Variants in LIMS1 observed in about 807,000 individuals in gnomAD.
LIMS1 encodes the protein LIM zinc finger domain containing 1.
LIMS1 carries 18 observed loss-of-function variants against 44.1 expected under a neutral mutation model. The observed-to-expected ratio is 0.41, with a 90% CI of 0.28 to 0.61. The LOEUF is 0.61. Among genes scored for constraint, LIMS1 ranks in the 20% least tolerant of loss-of-function variants. The pLI is 0.32. For synonymous variants in LIMS1, 93 were observed against 149.1 expected (o/e 0.62, Z 2.74); for missense variants, 201 against 422.0 (o/e 0.48, Z 4.59).
At chr2:108,582,451 A>G (rs1408997238) in intron 1 of LIMS1, among the ~76,000 whole-genome samples, 2 of 152,222 alleles carry the variant, frequency 1.3e-5, no homozygotes, top group African/African-American at 4.8e-5. Context: ...GGTTGACATC[A>G]TCAGGTTTAG....
chr2:108,685,521 C>T (rs1693253939), exon 10 of LIMS1: 1 of 152,028 alleles, frequency 6.6e-6, no homozygotes, highest in Admixed American at 6.5e-5. Flanking sequence ...TATTTGTATG[C>T]CTGCATTTTT....
At chr2:108,583,188 A>G (rs893035736) in intron 1 of LIMS1, among the ~76,000 whole-genome samples, 30 of 145,546 alleles carry the variant, frequency 2.1e-4, no homozygotes, top group Non-Finnish European at 3.0e-5. Flanking sequence ...GCGCACCACC[A>G]CGCCTGGCTA....
rs138300676 is a variant in LIMS1, at chr2:108,608,142, C to T, written c.33-51463C>T. Among the ~76,000 whole-genome samples, 682 of 152,270 alleles carry T rather than the reference C, an allele frequency of 4.5e-3. 5 individuals carry two copies. The highest frequency in any genetic ancestry group is 0.014 in the South Asian group (68 of 4,818). ...CATTCCCTCCTCCTGTTTTCCTCCA[C>T]GAAGAAGCCCTTTCCTTAATGGAGT... On this transcript the variant is annotated intron_variant, in intron 1 of 9. Coordinates refer to ENST00000544547, the Ensembl canonical transcript of LIMS1.
At chr2:108,637,312 G>T (rs139214033) in intron 1 of LIMS1, among the ~76,000 whole-genome samples, 132 of 152,220 alleles carry the variant, frequency 8.7e-4, no homozygotes, top group African/African-American at 3.0e-3. Context: ...CAAGTGAAAT[G>T]TTTTTTATTC....
chr2:108,541,014 T>G (rs962393733), intron 1 of LIMS1, among the ~76,000 whole-genome samples: 1 of 152,248 alleles, frequency 6.6e-6, no homozygotes, highest in Non-Finnish European at 1.5e-5. Flanking sequence ...GAATGAATTA[T>G]GGATATTGGC....
rs201274342 is a variant in LIMS1 at position 108,561,736 on chromosome 2, G to GT, written c.32+27151dup. Among the ~76,000 whole-genome samples, 1,076 of 111,672 alleles carry GT rather than the reference G, an allele frequency of 9.6e-3. 16 individuals carry two copies. Among genetic ancestry groups the GT allele is most frequent in the East Asian group, 0.065 (59 of 906 alleles). 73.3% of individuals were successfully genotyped at this position (111,672 alleles called of 152,430 possible). ...GTTGTGGTTCTCTGTGATCAGCAGTGTTTTTTTTTGTTTTTTTTTTTTTTG... is the reference window on the plus strand; with the variant it reads ...GTTGTGGTTCTCTGTGATCAGCAGTGTTTTTTTTTTGTTTTTTTTTTTTTTG... On this transcript the variant is annotated intron_variant, in intron 1 of 9. Transcript: ENST00000544547.
intron 1 of LIMS1, among the ~76,000 whole-genome samples, chr2:108,613,305 T>C (rs766031125): frequency 6.6e-6 from 1 of 152,140 alleles, no homozygotes; most frequent in Non-Finnish European, 1.5e-5. Context: ...ATTATTAGAG[T>C]CAAAGTAGGT....
At chr2:108,595,662 G>A (rs1413112123) in intron 1 of LIMS1, among the ~76,000 whole-genome samples, 1 of 152,068 alleles carries the variant, frequency 6.6e-6, no homozygotes, top group African/African-American at 2.4e-5. Context: ...CTGTGTACTA[G>A]GAATCAGTGT....
intron 1 of LIMS1, among the ~76,000 whole-genome samples, chr2:108,572,955 G>C (rs1428203686): frequency 6.6e-6 from 1 of 152,154 alleles, no homozygotes; most frequent in Non-Finnish European, 1.5e-5. Context: ...CTGTTCCGCA[G>C]CTTCCTGGGC....
At chr2:108,538,839 T>C (rs1370475942) in intron 1 of LIMS1, among the ~76,000 whole-genome samples, 2 of 152,212 alleles carry the variant, frequency 1.3e-5, no homozygotes, top group Admixed American at 6.5e-5. Flanking sequence ...CTTCCCAAAC[T>C]GAAACTCTGT....
At chr2:108,552,045 G>A (rs980589642) in intron 1 of LIMS1, among the ~76,000 whole-genome samples, 3 of 143,754 alleles carry the variant, frequency 2.1e-5, no homozygotes, top group Non-Finnish European at 4.5e-5. Flanking sequence ...AAGTACAGAG[G>A]TCTCTAATGT....
intron 1 of LIMS1, among the ~76,000 whole-genome samples, chr2:108,579,010 T>C (rs1336347388): frequency 6.6e-6 from 1 of 152,198 alleles, no homozygotes. Flanking sequence ...GCATCCTGGA[T>C]TCATTATCCT....
chr2:108,621,429 G>C lies in LIMS1; in HGVS notation c.33-38176G>C, dbSNP rs1368485268. 2.6e-6 allele frequency: 4 copies of C among 1,551,036 alleles called. No homozygotes were observed. In the East Asian group the frequency reaches 7.3e-5, roughly 28 times the overall value. On this transcript the variant is annotated intron_variant, in intron 1 of 9. Coordinates refer to ENST00000544547, the Ensembl canonical transcript of LIMS1. The stretch of plus-strand genomic sequence containing the variant: ...GAAGACGAGATCGCCCCGATAGTTT[G>C]AGAGTAAATGGGTTACCAGAGGAAG...
chr2:108,534,910 G>T (rs1354815744), intron 1 of LIMS1, among the ~76,000 whole-genome samples: 1 of 152,218 alleles, frequency 6.6e-6, no homozygotes, highest in Non-Finnish European at 1.5e-5. Flanking sequence ...GTAGGGATCA[G>T]CGGGTCGCAG....
intron 1 of LIMS1, among the ~76,000 whole-genome samples, chr2:108,552,592 G>GTGTGTGTA (rs1553451191): frequency 3.2e-5 from 4 of 125,418 alleles, no homozygotes; most frequent in Admixed American, 1.5e-4. Flanking sequence ...TTGGGTGTGT[G>GTGTGTGTA]TGTGTGTGTG....
intron 2 of LIMS1, chr2:108,660,033 G>T (rs1249823023): frequency 9.2e-6 from 4 of 436,118 alleles, no homozygotes; most frequent in South Asian, 8.2e-5. Context: ...CCTTATGACA[G>T]AGCCTTTCAG....
At chr2:108,653,554 T>C (rs2438800) in intron 1 of LIMS1, among the ~76,000 whole-genome samples, 7 of 152,134 alleles carry the variant, frequency 4.6e-5, no homozygotes, top group Non-Finnish European at 7.4e-5. Flanking sequence ...CCTGAGAGGA[T>C]GGGGACGTGA....
intron 1 of LIMS1, among the ~76,000 whole-genome samples, chr2:108,546,000 A>T (rs1558781433): frequency 6.6e-6 from 1 of 152,236 alleles, no homozygotes; most frequent in Non-Finnish European, 1.5e-5. Flanking sequence ...TAATCTGATG[A>T]TACAATCTGA....
rs1692231228 is a variant in LIMS1, at chr2:108,672,452, G to T, written c.380+7G>T. On this transcript the variant is annotated splice_region_variant and intron_variant, in intron 4 of 9. Coordinates refer to ENST00000544547, the Ensembl canonical transcript of LIMS1. The stretch of plus-strand genomic sequence containing the variant: ...TTGTCAAGAATGCTGGGAGGTAGGT[G>T]GATTTTCATCCTTGTCAGATGTGGG... 1 of 743,992 alleles carries T rather than the reference G, an allele frequency of 1.3e-6. No homozygotes were observed. Among genetic ancestry groups the T allele is most frequent in the East Asian group, 3.8e-5 (1 of 26,440 alleles). The allele number at this position is 743,992 out of a possible 1,614,324, so 46.1% of individuals were successfully genotyped here. A position where few individuals can be genotyped will look rare whatever the true frequency, so the allele number is the denominator to read the frequency against.
Sources: allele counts gnomAD v4.1 joint callset (sites outside exome capture counted in the v4.1 genomes callset), GRCh38; gene constraint gnomAD v4.1.1; transcripts MANE v1.5; gene names NCBI Gene and HGNC (gene_info 2026-07-23, HGNC 2026-07-21).